SMG6: variants seen among roughly 807,000 people sequenced by gnomAD.
The protein encoded by SMG6 is telomerase-binding protein EST1A.
In SMG6, 66 loss-of-function variants were observed where a neutral mutation model predicts 142.2. The ratio of observed to expected loss-of-function variants is 0.46; its 90% CI spans 0.38 to 0.57. SMG6 has a LOEUF of 0.57. Among genes scored for constraint, SMG6 ranks in the 20% least tolerant of loss-of-function variants. The pLI, the probability that SMG6 is intolerant of heterozygous loss-of-function variation, is 0.00. For synonymous variants in SMG6, 779 were observed against 702.4 expected (o/e 1.11, Z -1.72); for missense variants, 1,793 against 1,832.0 (o/e 0.98, Z 0.39).
chr17:2,153,000 A>G (rs2070873738), intron 13 of SMG6, among the ~76,000 whole-genome samples: 1 of 152,240 alleles, frequency 6.6e-6, no homozygotes, highest in East Asian at 1.9e-4. Context: ...TGCAACAAAA[A>G]AGAACATATG....
At position 2,060,268 on chromosome 17, in the gene SMG6, G is replaced by C. The variant is rs1012835083; in HGVS notation, c.*1224C>G. The C allele has an allele frequency of 6.6e-6, 1 of 152,244 alleles. No homozygotes were observed. Among genetic ancestry groups the C allele is most frequent in the Non-Finnish European group, 1.5e-5 (1 of 68,072 alleles). 9.4% of individuals were successfully genotyped at this position (152,244 alleles called of 1,614,324 possible). On this transcript the variant is annotated 3_prime_UTR_variant, in exon 19 of 19. Transcript: ENST00000263073. Reference sequence around the variant, plus strand: ...CCCTGGGTTTCAGGAACTCATTCTTGGTAAGGAAGCCTCCCCACTGAGGTA... The same window carrying C: ...CCCTGGGTTTCAGGAACTCATTCTTCGTAAGGAAGCCTCCCCACTGAGGTA...
At chr17:2,079,095 C>G (rs553168897) in intron 15 of SMG6, among the ~76,000 whole-genome samples, 1 of 152,224 alleles carries the variant, frequency 6.6e-6, no homozygotes, top group African/African-American at 2.4e-5. Flanking sequence ...TCCCGAGTAG[C>G]TGGGACTACA....
chr17:2,072,819 C>T (rs1037204517), intron 15 of SMG6: 4 of 152,214 alleles, frequency 2.6e-5, no homozygotes, highest in African/African-American at 4.8e-5. Context: ...CTGAGCCTCT[C>T]TGGCCAGAGC....
chr17:2,087,780 GCA>G lies in SMG6; in HGVS notation c.3358-1881_3358-1880del. 3.0e-6 allele frequency: 3 copies of G among 985,872 alleles called. No homozygotes were observed. In the South Asian group the frequency reaches 1.4e-4, roughly 46 times the overall value. The allele number at this position is 985,872 out of a possible 1,614,324, so 61.1% of individuals were successfully genotyped here. ...TGAGTAATAGCCTGGCAGGCAGCAC[GCA>G]CAGTGGCCTCCCTGCATCTCCAGCC... On this transcript the variant is annotated intron_variant, in intron 13 of 18. Coordinates refer to ENST00000263073, the MANE Select transcript of SMG6 (RefSeq NM_017575.5).
At chr17:2,133,935 C>T (rs1047284532) in intron 13 of SMG6, among the ~76,000 whole-genome samples, 2 of 152,176 alleles carry the variant, frequency 1.3e-5, no homozygotes, top group African/African-American at 2.4e-5. Context: ...GTATACTGAG[C>T]TGGAGGTTCC....
intron 13 of SMG6, among the ~76,000 whole-genome samples, chr17:2,145,372 C>A (rs912349386): frequency 6.6e-6 from 1 of 151,898 alleles, no homozygotes; most frequent in African/African-American, 2.4e-5. Flanking sequence ...CTGCCTCAGC[C>A]TCCCAAAGTG....
chr17:2,072,200 C>T (rs184058537), intron 15 of SMG6, among the ~76,000 whole-genome samples: 36 of 152,100 alleles, frequency 2.4e-4, no homozygotes, highest in African/African-American at 5.1e-4. Flanking sequence ...GGGGTGCAAC[C>T]GGAATGCTGT....
chr17:2,105,123 C>T (rs1026861540), intron 13 of SMG6, among the ~76,000 whole-genome samples: 1 of 134,968 alleles, frequency 7.4e-6, no homozygotes, highest in Non-Finnish European at 1.5e-5. Flanking sequence ...GATGGGGTCT[C>T]ACCATGTTAC....
intron 8 of SMG6, among the ~76,000 whole-genome samples, chr17:2,255,170 C>T (rs914828909): frequency 6.6e-6 from 1 of 151,588 alleles, no homozygotes. Flanking sequence ...TTTGGGAGGC[C>T]GAGGCGGGCG....
chr17:2,062,537 C>G (rs1050209564), intron 18 of SMG6: 1 of 151,150 alleles, frequency 6.6e-6, no homozygotes, highest in Non-Finnish European at 1.5e-5. Flanking sequence ...TCCACTACCT[C>G]TCTTTCCCTA....
At chr17:2,206,821 G>C (rs2072695438) in intron 10 of SMG6, among the ~76,000 whole-genome samples, 1 of 151,528 alleles carries the variant, frequency 6.6e-6, no homozygotes, top group Non-Finnish European at 1.5e-5. Context: ...CCTGAAGGCG[G>C]AGGTCACAGT....
intron 9 of SMG6, chr17:2,236,862 A>C: frequency 1.6e-6 from 2 of 1,231,412 alleles, no homozygotes; most frequent in Non-Finnish European, 2.0e-6. Context: ...CAGAGATGCA[A>C]ACAACTCAAG....
At chr17:2,301,755 T>A (rs2075282687) in intron 1 of SMG6, among the ~76,000 whole-genome samples, 1 of 152,120 alleles carries the variant, frequency 6.6e-6, no homozygotes, top group South Asian at 2.1e-4. Context: ...GGCAGGAGAA[T>A]AGCGTGAACC....
intron 14 of SMG6, among the ~76,000 whole-genome samples, chr17:2,083,938 G>C (rs1329905676): frequency 6.6e-6 from 1 of 152,216 alleles, no homozygotes; most frequent in Non-Finnish European, 1.5e-5. Context: ...CGTGGGAAAA[G>C]GAAGAAGTGG....
chr17:2,142,801 T>C (rs926461132), intron 13 of SMG6, among the ~76,000 whole-genome samples: 2 of 148,242 alleles, frequency 1.3e-5, no homozygotes, highest in South Asian at 2.1e-4. Flanking sequence ...GGCGGGAGAA[T>C]TGGTTGAACC....
chr17:2,195,669 T>C (rs1226480441), intron 10 of SMG6, among the ~76,000 whole-genome samples: 8 of 152,190 alleles, frequency 5.3e-5, no homozygotes, highest in Non-Finnish European at 1.2e-4. Flanking sequence ...CTAAGACATT[T>C]TGAGACCTAT....
chr17:2,082,956 A>G (rs1786503270), intron 14 of SMG6, among the ~76,000 whole-genome samples: 2 of 152,158 alleles, frequency 1.3e-5, no homozygotes, highest in Non-Finnish European at 2.9e-5. Flanking sequence ...AATCCTCACA[A>G]CAGCCTGTGA....
At chr17:2,090,043 G>C (rs1385848166) in intron 13 of SMG6, among the ~76,000 whole-genome samples, 1 of 151,856 alleles carries the variant, frequency 6.6e-6, no homozygotes, top group African/African-American at 2.4e-5. Context: ...AATCAGCCGG[G>C]TGTGGTAGTA....
At chr17:2,141,020 C>T (rs1250513633) in intron 13 of SMG6, among the ~76,000 whole-genome samples, 1 of 152,220 alleles carries the variant, frequency 6.6e-6, no homozygotes, top group African/African-American at 2.4e-5. Flanking sequence ...ACAGAGAAAT[C>T]TGGCCAGGAG....
Sources: allele counts gnomAD v4.1 joint callset (sites outside exome capture counted in the v4.1 genomes callset), GRCh38; gene constraint gnomAD v4.1.1; transcripts MANE v1.5; gene names NCBI Gene and HGNC (gene_info 2026-07-23, HGNC 2026-07-21).